Variants in MYL3 observed in about 807,000 individuals in gnomAD.
The protein encoded by MYL3 is CMLC1.
A neutral mutation model predicts 21.3 loss-of-function variants in MYL3; 11 were observed. The ratio of observed to expected loss-of-function variants is 0.52; its 90% CI spans 0.32 to 0.85. MYL3 has a LOEUF of 0.85. MYL3 is among the 40% of genes least tolerant of loss of function. MYL3 has a pLI of 0.03. For missense variants in MYL3, 206 were observed against 253.3 expected, an observed-to-expected ratio of 0.81 and a Z score of 1.27; for synonymous variants, 88 against 91.6, an observed-to-expected ratio of 0.96 and a Z score of 0.22.
chr3:46,863,552 C>T (rs1011722128), upstream of MYL3: 1 of 742,016 alleles, frequency 1.3e-6, no homozygotes, highest in Non-Finnish European at 2.2e-6. Flanking sequence ...TATGGCTAGG[C>T]TTAGGGGCTA....
In MYL3 at chr3:46,860,763, C is replaced by T. The variant is rs730880956; in HGVS notation, c.220G>A (p.Gly74Arg). Residue 74 changes from glycine to arginine, a missense_variant, in exon 3 of 7, where the codon GGG becomes AGG. Gly to Arg is a moderately radical substitution (Grantham distance 125). Coordinates refer to ENST00000292327, the MANE Select transcript of MYL3 (RefSeq NM_000258.3). This position sits in a 1 kb window ranked among gnomAD's most constrained non-coding sequence, Gnocchi z 4.6. Reference sequence around the variant, plus strand: ...GCCCGCAGGACATCCCCACACTGCCCGTAGGTGATCTTCATCTCACACTTG... The same window carrying T: ...GCCCGCAGGACATCCCCACACTGCCTGTAGGTGATCTTCATCTCACACTTG... ...TPKCEMKITYGQCGDVLRALG... is the reference protein window; with the variant it reads ...TPKCEMKITYRQCGDVLRALG... 3.3e-5 allele frequency: 53 copies of T among 1,613,994 alleles called. No individual in the cohort carries two copies. The highest frequency in any genetic ancestry group is 2.3e-4 in the South Asian group (21 of 91,082).
At chr3:46,862,628 A>T (rs1702004123) in intron 1 of MYL3, among the ~76,000 whole-genome samples, 1 of 151,788 alleles carries the variant, frequency 6.6e-6, no homozygotes, top group South Asian at 2.1e-4. Context: ...CCAAGTTTAG[A>T]CTCTGAGAAA....
intron 1 of MYL3, among the ~76,000 whole-genome samples, chr3:46,880,066 A>C (rs1021132186): frequency 1.2e-4 from 18 of 152,218 alleles, no homozygotes; most frequent in Non-Finnish European, 1.5e-4. Flanking sequence ...AATAAAGCTG[A>C]GACCATTAAA....
At chr3:46,872,094 G>A (rs2029954557) in intron 1 of MYL3, among the ~76,000 whole-genome samples, 2 of 152,286 alleles carry the variant, frequency 1.3e-5, no homozygotes, top group Admixed American at 6.5e-5. Context: ...GCAGGTGCAC[G>A]GTCCTCCCAG....
intron 1 of MYL3, among the ~76,000 whole-genome samples, chr3:46,872,272 C>G (rs912539316): frequency 1.3e-5 from 2 of 152,232 alleles, no homozygotes; most frequent in Non-Finnish European, 2.9e-5. Flanking sequence ...TCATCCAAGG[C>G]TGCAGATGAG....
intron 1 of MYL3, among the ~76,000 whole-genome samples, chr3:46,881,493 G>T (rs1336453599): frequency 6.6e-6 from 1 of 152,152 alleles, no homozygotes; most frequent in Non-Finnish European, 1.5e-5. Flanking sequence ...TCTGGATTGA[G>T]CCCCAGGTCT....
upstream of MYL3, among the ~76,000 whole-genome samples, chr3:46,863,824 G>A (rs1462630016): frequency 6.6e-6 from 1 of 152,196 alleles, no homozygotes; most frequent in Non-Finnish European, 1.5e-5. Context: ...TTGTGTTGGG[G>A]CCAGAAGGAC....
chr3:46,861,057 G>GA lies in MYL3; in HGVS notation c.130-71_130-70insT. Reference sequence around the variant, plus strand: ...GGGCCACACCTCCTCCTGGGCACTCGGTGGCCAGCCCAGAATGTCAACTGT... The same window carrying GA: ...GGGCCACACCTCCTCCTGGGCACTCGAGTGGCCAGCCCAGAATGTCAACTGT... On this transcript the variant is annotated intron_variant, in intron 1 of 6. Coordinates refer to ENST00000292327, the MANE Select transcript of MYL3 (RefSeq NM_000258.3). This position sits in a 1 kb window ranked among gnomAD's most constrained non-coding sequence, Gnocchi z 4.2. 6.5e-7 allele frequency: 1 copy of GA among 1,546,492 alleles called. No individual in the cohort carries two copies. The highest frequency in any genetic ancestry group is 8.9e-7 in the Non-Finnish European group (1 of 1,119,832).
At chr3:46,878,299 A>G (rs896671788) in intron 1 of MYL3, among the ~76,000 whole-genome samples, 2 of 152,220 alleles carry the variant, frequency 1.3e-5, no homozygotes, top group African/African-American at 4.8e-5. Context: ...CTTATGGCCT[A>G]GCCATCCCCT....
At chr3:46,871,033 T>C (rs1022857072) in intron 1 of MYL3, among the ~76,000 whole-genome samples, 13 of 152,210 alleles carry the variant, frequency 8.5e-5, no homozygotes, top group Non-Finnish European at 1.8e-4. Context: ...TTTGTACACA[T>C]ATACTTTTGC....
chr3:46,877,906 T>C (rs1424667746), intron 1 of MYL3: 1 of 152,238 alleles, frequency 6.6e-6, no homozygotes, highest in African/African-American at 2.4e-5. Context: ...GTCTGTGGTT[T>C]CCCTGGGGGT....
At chr3:46,878,174 T>C (rs2030343960) in intron 1 of MYL3, among the ~76,000 whole-genome samples, 1 of 152,186 alleles carries the variant, frequency 6.6e-6, no homozygotes, top group African/African-American at 2.4e-5. Flanking sequence ...ATGCTTCTGC[T>C]GCAAGGGAAG....
Position 46,859,499 on chromosome 3 carries a change from G to T in MYL3, c.457C>A (p.Leu153Ile). ...CCCAGCGTGGCCAGCACGTGGCGAA[G>T]CTCAGCACCCATGACAGTGCCATTG... ...EGNGTVMGAELRHVLATLGER... is the reference protein window; with the variant it reads ...EGNGTVMGAEIRHVLATLGER... Residue 153 changes from leucine (L) to isoleucine (I), a missense_variant, in exon 4 of 7, where the codon CTT becomes ATT. By Grantham distance (5) the Leu-to-Ile change is conservative. Transcript: ENST00000292327. This position sits in a 1 kb window ranked among gnomAD's most constrained non-coding sequence, Gnocchi z 4.1. 1 of 1,614,192 alleles carries T rather than the reference G, an allele frequency of 6.2e-7. No individual in the cohort carries two copies. The highest frequency in any genetic ancestry group is 1.7e-4 in the Middle Eastern group (1 of 6,058).
rs187668225 is a variant in MYL3, at chr3:46,860,593, G to C, written c.307+83C>G. On this transcript the variant is annotated intron_variant, in intron 3 of 6. Transcript: ENST00000292327. This position sits in a 1 kb window ranked among gnomAD's most constrained non-coding sequence, Gnocchi z 4.6. ...GCGAGATGTCAGGAAAGATTCTCGT[G>C]CTATCCCGCAGGATGGATGGCAGCC... The C allele has an allele frequency of 5.4e-5, 85 of 1,574,902 alleles. 1 individual carries two copies. In the Admixed American group the frequency reaches 1.3e-3, roughly 25 times the overall value.
At position 46,860,833 on chromosome 3, in the gene MYL3, G is replaced by C. The variant is rs937857201; in HGVS notation, c.158-8C>G. 3.7e-6 allele frequency: 6 copies of C among 1,613,906 alleles called. No homozygotes were observed. The African/African-American group carries it at 8.0e-5, about 22-fold the overall frequency. ...TGAAGGCTTCCTTGAACTCTGCCAGGAGAGGGCAGTGAGCCACAGACACTC... is the reference window on the plus strand; with the variant it reads ...TGAAGGCTTCCTTGAACTCTGCCAGCAGAGGGCAGTGAGCCACAGACACTC... On this transcript the variant is annotated splice_region_variant and splice_polypyrimidine_tract_variant and intron_variant, in intron 2 of 6. Transcript: ENST00000292327. The surrounding 1 kb of genome is among the most constrained non-coding windows in gnomAD (Gnocchi z 4.6).
chr3:46,865,452 G>A (rs1434028415), upstream of MYL3, among the ~76,000 whole-genome samples: 1 of 152,150 alleles, frequency 6.6e-6, no homozygotes, highest in Non-Finnish European at 1.5e-5. The surrounding 1 kb of genome is among the most constrained non-coding windows in gnomAD (Gnocchi z 4.3). Flanking sequence ...CGACCCTCAG[G>A]ACAACGGGCT....
rs2106909988 is a variant in MYL3, at chr3:46,860,778, T to A, written c.205A>T (p.Met69Leu). The A allele has an allele frequency of 6.2e-7, 1 of 1,614,074 alleles. No individual in the cohort carries two copies. Among genetic ancestry groups the A allele is most frequent in the African/African-American group, 1.3e-5 (1 of 74,986 alleles). Residue 69 changes from methionine (M) to leucine (L), a missense_variant, in exon 3 of 7, where the codon ATG (methionine) becomes TTG (leucine). By Grantham distance (15) the Met-to-Leu change is conservative. Coordinates refer to ENST00000292327, the MANE Select transcript of MYL3 (RefSeq NM_000258.3). This position sits in a 1 kb window ranked among gnomAD's most constrained non-coding sequence, Gnocchi z 4.6. ...CCACACTGCCCGTAGGTGATCTTCA[T>A]CTCACACTTGGGTGTGCGGTCGAAC... ...MLFDRTPKCE[M>L]KITYGQCGDV...
In MYL3 at chr3:46,874,400, T is replaced by C. The variant is rs2030074166; in HGVS notation, c.-218+7674A>G. Among the ~76,000 whole-genome samples the C allele has an allele frequency of 6.6e-6, 1 of 151,962 alleles. No homozygotes were observed. The highest frequency in any genetic ancestry group is 1.5e-5 in the Non-Finnish European group (1 of 67,984). ...GACAAAGGACCACCCACATAGAGGGTTCCTCCAGGCCTAACAGGGCAGGAG... is the reference window on the plus strand; with the variant it reads ...GACAAAGGACCACCCACATAGAGGGCTCCTCCAGGCCTAACAGGGCAGGAG... On this transcript the variant is annotated intron_variant, in intron 1 of 3. Transcript: ENST00000431168. This position sits in a 1 kb window ranked among gnomAD's most constrained non-coding sequence, Gnocchi z 4.1.
Position 46,859,818 on chromosome 3 carries a change from G to A in MYL3, c.308-170C>T, listed in dbSNP as rs142577696. Among the ~76,000 whole-genome samples, 178 of 152,252 alleles carry A rather than the reference G, an allele frequency of 1.2e-3. No individual in the cohort carries two copies. Among genetic ancestry groups the A allele is most frequent in the Middle Eastern group, 3.4e-3 (1 of 294 alleles). The stretch of plus-strand genomic sequence containing the variant: ...TGCCATTTAAAAGCAAACTACCATC[G>A]CGAGGCACTTTACAGTCTACTGAGC... On this transcript the variant is annotated intron_variant, in intron 3 of 6. Coordinates refer to ENST00000292327, the MANE Select transcript of MYL3 (RefSeq NM_000258.3). This position sits in a 1 kb window ranked among gnomAD's most constrained non-coding sequence, Gnocchi z 4.1.
Sources: allele counts gnomAD v4.1 joint callset (sites outside exome capture counted in the v4.1 genomes callset), GRCh38; gene constraint gnomAD v4.1.1; non-coding constraint Gnocchi (gnomAD v3.1); transcripts MANE v1.5; gene names NCBI Gene and HGNC (gene_info 2026-07-23, HGNC 2026-07-21).